Variants in LINGO2 observed in about 807,000 individuals in gnomAD.
LINGO2 encodes leucine-rich repeat and immunoglobulin-like domain-containing nogo receptor-interacting protein 2.
LINGO2 carries 14 observed loss-of-function variants against 30.6 expected under a neutral mutation model. That is an observed-to-expected ratio of 0.46 (90% CI 0.30 to 0.72). LINGO2 has a LOEUF of 0.72. LINGO2 is among the 30% of genes least tolerant of loss of function. The pLI, the probability that LINGO2 is intolerant of heterozygous loss-of-function variation, is 0.07. For synonymous variants in LINGO2, 317 were observed against 288.5 expected, an observed-to-expected ratio of 1.10 and a Z score of -1.00; for missense variants, 729 against 751.7, an observed-to-expected ratio of 0.97 and a Z score of 0.35.
the LINGO2 span, among the ~76,000 whole-genome samples, chr9:29,050,632 A>T: frequency 1.3e-5 from 2 of 152,342 alleles, no homozygotes; most frequent in African/African-American, 2.4e-5. Flanking sequence ...TTGAAACATC[A>T]TAAGGTAGAA....
chr9:28,551,562 T>C (rs766961380), intron 1 of LINGO2, among the ~76,000 whole-genome samples: 1 of 152,054 alleles, frequency 6.6e-6, no homozygotes, highest in South Asian at 2.1e-4. Flanking sequence ...TAAAAAGTTA[T>C]ATAATTCAGT....
intron 1 of LINGO2, among the ~76,000 whole-genome samples, chr9:28,622,489 C>T (rs1305847684): frequency 6.6e-6 from 1 of 151,840 alleles, no homozygotes; most frequent in Non-Finnish European, 1.5e-5. Flanking sequence ...ACATAATGAT[C>T]TCCAGTTCCA....
chr9:28,739,749 T>C, the LINGO2 span, among the ~76,000 whole-genome samples: 32 of 151,746 alleles, frequency 2.1e-4, no homozygotes, highest in African/African-American at 6.3e-4. Flanking sequence ...TATCTCTAAG[T>C]CTAGCTTTAT....
chr9:29,212,607 A>T, the LINGO2 span, among the ~76,000 whole-genome samples: 1 of 151,768 alleles, frequency 6.6e-6, no homozygotes, highest in African/African-American at 2.4e-5. Flanking sequence ...AATTTAAAAA[A>T]AAAACCTCTC....
the LINGO2 span, among the ~76,000 whole-genome samples, chr9:29,155,380 C>T: frequency 1.2e-4 from 18 of 151,978 alleles, no homozygotes; most frequent in African/African-American, 4.1e-4. Flanking sequence ...CTCTACTTTT[C>T]TAGTCATTTT....
chr9:29,072,612 G>T, the LINGO2 span, among the ~76,000 whole-genome samples: 19,015 of 130,066 alleles, frequency 0.15, 1,827 homozygotes, highest in African/African-American at 0.22. Context: ...GTCTCTCTTT[G>T]ATATATATAT....
chr9:28,565,332 C>T (rs1029145001), intron 1 of LINGO2, among the ~76,000 whole-genome samples: 7 of 151,348 alleles, frequency 4.6e-5, no homozygotes, highest in Non-Finnish European at 7.4e-5. Context: ...GGACTACAGG[C>T]GCCTGCCACC....
At chr9:28,510,543 G>A (rs1820331902) in intron 1 of LINGO2, among the ~76,000 whole-genome samples, 1 of 152,028 alleles carries the variant, frequency 6.6e-6, no homozygotes, top group Non-Finnish European at 1.5e-5. Flanking sequence ...TGTGTCAGGG[G>A]TGGCAGAGGC....
At chr9:28,869,561 C>G in the LINGO2 span, among the ~76,000 whole-genome samples, 1 of 151,816 alleles carries the variant, frequency 6.6e-6, no homozygotes, top group Non-Finnish European at 1.5e-5. Flanking sequence ...AGAGAAATAG[C>G]AAGCAGGAAG....
the LINGO2 span, among the ~76,000 whole-genome samples, chr9:29,093,236 G>T: frequency 1.5e-5 from 2 of 132,820 alleles, no homozygotes; most frequent in African/African-American, 5.6e-5. Flanking sequence ...CATATAATTT[G>T]CATTAAAAGT....
chr9:28,688,852 A>G, the LINGO2 span, among the ~76,000 whole-genome samples: 2 of 152,148 alleles, frequency 1.3e-5, no homozygotes, highest in African/African-American at 2.4e-5. Context: ...ATCTGTGCAC[A>G]TAACGTCCTA....
At chr9:28,389,500 C>T (rs1029062) in intron 2 of LINGO2, among the ~76,000 whole-genome samples, 103,303 of 152,050 alleles carry the variant, frequency 0.68, 36,242 homozygotes, top group Non-Finnish European at 0.76. Flanking sequence ...ATTATGTCTT[C>T]CATAAATGTT....
chr9:28,510,369 TTATAA>T (rs1307724368), intron 1 of LINGO2, among the ~76,000 whole-genome samples: 1 of 151,920 alleles, frequency 6.6e-6, no homozygotes, highest in Non-Finnish European at 1.5e-5. Flanking sequence ...TAATATATTC[TTATAA>T]TAAAGTAATC....
At chr9:27,969,250 C>T (rs1439860453) in intron 5 of LINGO2, among the ~76,000 whole-genome samples, 1 of 151,992 alleles carries the variant, frequency 6.6e-6, no homozygotes, top group Admixed American at 6.6e-5. Context: ...AACTTAGCCA[C>T]TTCAGGAGTA....
At chr9:28,797,140 A>C in the LINGO2 span, among the ~76,000 whole-genome samples, 1 of 151,594 alleles carries the variant, frequency 6.6e-6, no homozygotes, top group Non-Finnish European at 1.5e-5. Flanking sequence ...CAGAGCTTGA[A>C]TAAACGATGA....
the LINGO2 span, among the ~76,000 whole-genome samples, chr9:29,135,369 C>G: frequency 6.6e-6 from 1 of 151,900 alleles, no homozygotes; most frequent in Non-Finnish European, 1.5e-5. Flanking sequence ...ACCATCCTGG[C>G]CAACATGGTG....
chr9:28,613,473 T>A (rs1826003575), intron 1 of LINGO2, among the ~76,000 whole-genome samples: 1 of 146,400 alleles, frequency 6.8e-6, no homozygotes, highest in Admixed American at 7.2e-5. Flanking sequence ...TATATATTTA[T>A]CTACTATGAA....
chr9:28,731,784 T>A, the LINGO2 span, among the ~76,000 whole-genome samples: 1 of 152,070 alleles, frequency 6.6e-6, no homozygotes, highest in African/African-American at 2.4e-5. Flanking sequence ...GTGAATAATA[T>A]AAATGAAAAT....
chr9:28,053,294 G>A (rs2133073619), intron 4 of LINGO2, among the ~76,000 whole-genome samples: 1 of 152,160 alleles, frequency 6.6e-6, no homozygotes, highest in East Asian at 1.9e-4. Flanking sequence ...AGGCTAACTG[G>A]GAAACTGCCA....
Sources: allele counts gnomAD v4.1 joint callset (sites outside exome capture counted in the v4.1 genomes callset), GRCh38; gene constraint gnomAD v4.1.1; transcripts MANE v1.5; gene names NCBI Gene and HGNC (gene_info 2026-07-23, HGNC 2026-07-21).